Variants in CHAF1B observed in about 807,000 individuals in gnomAD.
CHAF1B encodes the protein CAF-1 subunit B.
A neutral mutation model predicts 60.7 loss-of-function variants in CHAF1B; 10 were observed. The observed-to-expected ratio is 0.16, with a 90% confidence interval of 0.10 to 0.28. The LOEUF (loss-of-function observed/expected upper bound fraction) is 0.28. Among genes scored for constraint, CHAF1B ranks in the 10% least tolerant of loss-of-function variants. The probability of loss-of-function intolerance (pLI) is 1.00; values close to 1 mark genes in which losing one functional copy is unlikely to be tolerated. For synonymous variants in CHAF1B, 261 were observed against 266.1 expected, an observed-to-expected ratio of 0.98 and a Z score of 0.19; for missense variants, 558 against 708.4, an observed-to-expected ratio of 0.79 and a Z score of 2.41.
intron 3 of CHAF1B, among the ~76,000 whole-genome samples, chr21:36,390,821 A>AT (rs1243222490): frequency 3.3e-5 from 5 of 151,958 alleles, no homozygotes; most frequent in Non-Finnish European, 7.4e-5. Flanking sequence ...CACCTGGCTA[A>AT]TTTTTTTGAT....
At chr21:36,402,957 G>T in intron 8 of CHAF1B, 106 bp downstream of exon 8, 2 of 927,074 alleles carry the variant, frequency 2.2e-6, no homozygotes, top group South Asian at 1.4e-5. Context: ...TTAGAGTGGG[G>T]GTCCCCGACT....
intron 4 of CHAF1B, among the ~76,000 whole-genome samples, chr21:36,392,719 C>A (rs1483727578): frequency 3.3e-5 from 5 of 152,118 alleles, no homozygotes; most frequent in Admixed American, 3.3e-4. Flanking sequence ...ACGCTCCTCA[C>A]CTCCCAGACA....
chr21:36,402,977 A>G (rs532894415), intron 8 of CHAF1B, 126 bp downstream of exon 8: 400 of 737,640 alleles, frequency 5.4e-4, no homozygotes, highest in Non-Finnish European at 8.4e-4. Context: ...TTACCTGCCC[A>G]TTGGAACCTC....
intron 6 of CHAF1B, 72 bp from the exon 7 acceptor site, chr21:36,399,449 G>T (rs2086168869): frequency 7.6e-7 from 1 of 1,319,282 alleles, no homozygotes; most frequent in Non-Finnish European, 1.1e-6. Context: ...TAGGCTGTTG[G>T]TAATAAGTTG....
intron 3 of CHAF1B, among the ~76,000 whole-genome samples, chr21:36,389,520 G>A (rs1431020734): frequency 6.6e-6 from 1 of 150,696 alleles, no homozygotes; most frequent in Non-Finnish European, 1.5e-5. Context: ...GTGGAGAATC[G>A]CTGTAACCTG....
At chr21:36,385,873 G>GT (rs1295378974) in intron 1 of CHAF1B, among the ~76,000 whole-genome samples, 187 bp from the exon 2 acceptor site, 4 of 152,164 alleles carry the variant, frequency 2.6e-5, no homozygotes. Flanking sequence ...ATGTAGCGGC[G>GT]TATCATAAAC....
At chr21:36,389,720 G>T (rs1421071818) in intron 3 of CHAF1B, among the ~76,000 whole-genome samples, 1 of 150,684 alleles carries the variant, frequency 6.6e-6, no homozygotes, top group South Asian at 2.1e-4. Context: ...AAGAGACCTG[G>T]TTGAGTTCAG....
At chr21:36,389,268 T>G (rs907670724) in intron 3 of CHAF1B, among the ~76,000 whole-genome samples, 18 of 152,202 alleles carry the variant, frequency 1.2e-4, no homozygotes, top group African/African-American at 4.3e-4. Flanking sequence ...AGATTGATTC[T>G]TGTTTTCTGC....
chr21:36,392,321 C>T (rs1188486766), intron 4 of CHAF1B, among the ~76,000 whole-genome samples: 1 of 152,200 alleles, frequency 6.6e-6, no homozygotes, highest in African/African-American at 2.4e-5. Flanking sequence ...CTATGTCTAC[C>T]TCTTTCTACA....
intron 5 of CHAF1B, among the ~76,000 whole-genome samples, chr21:36,395,754 A>G (rs2086132586): frequency 6.6e-6 from 1 of 151,784 alleles, no homozygotes; most frequent in African/African-American, 2.4e-5. Flanking sequence ...GTGAAATGCC[A>G]AAAGCAAGTA....
intron 8 of CHAF1B, among the ~76,000 whole-genome samples, chr21:36,403,568 A>T (rs1363601883): frequency 6.6e-6 from 1 of 151,998 alleles, no homozygotes; most frequent in East Asian, 1.9e-4. Flanking sequence ...CCAAAGATAA[A>T]GCTCCTTTAT....
intron 5 of CHAF1B, among the ~76,000 whole-genome samples, chr21:36,395,443 T>C (rs1349825194): frequency 2.6e-5 from 4 of 152,242 alleles, no homozygotes. Flanking sequence ...CCATATGCTA[T>C]GGATTGTCAG....
intron 8 of CHAF1B, 78 bp downstream of exon 8, chr21:36,402,929 C>T: frequency 8.4e-7 from 1 of 1,186,796 alleles, no homozygotes; most frequent in Middle Eastern, 1.9e-4. Flanking sequence ...TGCAGCTTAT[C>T]AGCTCAGTGA....
At chr21:36,386,783 G>A (rs2086038767) in intron 2 of CHAF1B, among the ~76,000 whole-genome samples, 2 of 150,810 alleles carry the variant, frequency 1.3e-5, no homozygotes, top group South Asian at 4.2e-4. Context: ...GTGCAATCTC[G>A]ACTTACTGCA....
chr21:36,392,665 G>C (rs1194914996), intron 4 of CHAF1B, among the ~76,000 whole-genome samples: 3 of 151,250 alleles, frequency 2.0e-5, no homozygotes, highest in Non-Finnish European at 2.9e-5. Context: ...GCGGCTGCCG[G>C]GCGGAGGGGC....
chr21:36,404,697 G>A (rs1238024066), intron 8 of CHAF1B, among the ~76,000 whole-genome samples: 1 of 140,372 alleles, frequency 7.1e-6, no homozygotes, highest in Non-Finnish European at 1.5e-5. Context: ...GCCTCCCAAA[G>A]TGCTGGGATT....
intron 6 of CHAF1B, 99 bp downstream of exon 6, chr21:36,397,610 TC>T: frequency 1.9e-6 from 1 of 530,502 alleles, no homozygotes; most frequent in Non-Finnish European, 3.3e-6. Flanking sequence ...TTTATCATAG[TC>T]TAACTTTGAT....
chr21:36,404,259 C>T (rs1191885381), intron 8 of CHAF1B, among the ~76,000 whole-genome samples: 1 of 151,196 alleles, frequency 6.6e-6, no homozygotes, highest in Non-Finnish European at 1.5e-5. Flanking sequence ...CGCCACCACT[C>T]CCAGCTAATT....
intron 4 of CHAF1B, among the ~76,000 whole-genome samples, chr21:36,394,138 G>A (rs1281314744): frequency 2.7e-5 from 4 of 149,784 alleles, no homozygotes; most frequent in South Asian, 2.1e-4. Context: ...GTGTAGTGGC[G>A]CGATCTTGGC....
Sources: gnomAD v4.1 joint callset for allele counts (sites outside exome capture counted in the v4.1 genomes callset) on GRCh38, gnomAD v4.1.1 for gene constraint, MANE v1.5 for transcripts, NCBI Gene and HGNC (gene_info 2026-07-23, HGNC 2026-07-21) for gene names.